RASGRF2: variants seen among roughly 807,000 people sequenced by gnomAD.
RASGRF2 encodes the protein ras-specific guanine nucleotide-releasing factor 2.
A neutral mutation model predicts 151.0 loss-of-function variants in RASGRF2; 76 were observed. The observed-to-expected ratio is 0.50, with a 90% CI of 0.42 to 0.61. RASGRF2 has a LOEUF of 0.61. Ranked by LOEUF, RASGRF2 falls within the 20% of genes least tolerant of loss-of-function variation. The pLI is 0.00. For missense variants in RASGRF2, 1,148 were observed against 1,564.6 expected (o/e 0.73, Z 4.49); for synonymous variants, 504 against 566.5 (o/e 0.89, Z 1.57).
rs529383635 is a variant in RASGRF2, at chr5:81,226,390, G to A, written c.*620G>A. ...TTTAGGCAATGGGATAGGAAAGAAAGAATGAAACACAAATGGATTTGTATG... is the reference window on the plus strand; with the variant it reads ...TTTAGGCAATGGGATAGGAAAGAAAAAATGAAACACAAATGGATTTGTATG... On this transcript the variant is annotated 3_prime_UTR_variant, in exon 27 of 27. Transcript: ENST00000265080. 6.6e-6 allele frequency: 1 copy of A among 152,366 alleles called. No individual in the cohort carries two copies. The highest frequency in any genetic ancestry group is 1.9e-4 in the East Asian group (1 of 5,186). The allele number at this position is 152,366 out of a possible 1,614,324, so 9.4% of individuals were successfully genotyped here.
At chr5:80,998,781 C>T (rs973998663) in intron 1 of RASGRF2, among the ~76,000 whole-genome samples, 3 of 152,126 alleles carry the variant, frequency 2.0e-5, no homozygotes, top group Non-Finnish European at 4.4e-5. Context: ...GGCTTCTGGC[C>T]TGGTTCAGCC....
At chr5:80,962,113 C>T (rs1747581121) in intron 1 of RASGRF2, among the ~76,000 whole-genome samples, 1 of 152,120 alleles carries the variant, frequency 6.6e-6, no homozygotes, top group Non-Finnish European at 1.5e-5. Flanking sequence ...CTTTGGGGCT[C>T]ATAAAACAAT....
At chr5:80,979,543 C>T (rs1016354330) in intron 1 of RASGRF2, among the ~76,000 whole-genome samples, 4 of 152,050 alleles carry the variant, frequency 2.6e-5, no homozygotes, top group African/African-American at 7.2e-5. Flanking sequence ...TTATTGTGTA[C>T]GTATGATTGA....
Position 81,138,597 on chromosome 5 carries a change from T to A in RASGRF2, c.2686+11434T>A, listed in dbSNP as rs554519203. 8.5e-5 allele frequency among the ~76,000 whole-genome samples: 13 copies of A among 152,272 alleles called. No homozygotes were observed. The East Asian group carries it at 2.3e-3, about 27-fold the overall frequency. ...TTCCTGGAGGTAAAGTCCCCAAATA[T>A]GTGGCCGCCCTCCTAAGAATGTGGT... On this transcript the variant is annotated intron_variant, in intron 17 of 26. Coordinates refer to ENST00000265080, the MANE Select transcript of RASGRF2 (RefSeq NM_006909.3).
At chr5:81,023,475 T>C (rs1385249637) in intron 1 of RASGRF2, among the ~76,000 whole-genome samples, 1 of 152,186 alleles carries the variant, frequency 6.6e-6, no homozygotes, top group Non-Finnish European at 1.5e-5. Context: ...TGTGATGCAC[T>C]GAGTTCTTAT....
intron 17 of RASGRF2, among the ~76,000 whole-genome samples, chr5:81,157,354 TAAA>T (rs559651337): frequency 3.7e-5 from 4 of 108,202 alleles, no homozygotes; most frequent in Admixed American, 1.0e-4. Flanking sequence ...AGAGTCTGTC[TAAA>T]AAAAAAAAAA....
At chr5:80,994,291 G>C (rs183723206) in intron 1 of RASGRF2, among the ~76,000 whole-genome samples, 1,658 of 151,530 alleles carry the variant, frequency 0.011, 27 homozygotes, top group African/African-American at 0.038. Context: ...GCGTGAACCT[G>C]GGGGGCCGAG....
chr5:81,007,686 A>G (rs996924008), intron 1 of RASGRF2, among the ~76,000 whole-genome samples: 80 of 152,274 alleles, frequency 5.3e-4, no homozygotes, highest in African/African-American at 1.9e-3. Flanking sequence ...GAGGAAAGTG[A>G]ACTATTCAGA....
chr5:81,071,156 T>C (rs1751762544), intron 4 of RASGRF2, among the ~76,000 whole-genome samples: 1 of 152,236 alleles, frequency 6.6e-6, no homozygotes, highest in Non-Finnish European at 1.5e-5. Flanking sequence ...ATTTAGGTTT[T>C]GATCCTATGA....
In RASGRF2 at chr5:81,041,500, C is replaced by T. The variant is rs76994442; in HGVS notation, c.289-1377C>T. ...TACATGAGAATTCTCCACATCTTAACATAGATTATTCCAAGCTGATTGTAA... is the reference window on the plus strand; with the variant it reads ...TACATGAGAATTCTCCACATCTTAATATAGATTATTCCAAGCTGATTGTAA... On this transcript the variant is annotated intron_variant, in intron 1 of 26. Coordinates refer to ENST00000265080, the MANE Select transcript of RASGRF2 (RefSeq NM_006909.3). Among the ~76,000 whole-genome samples the T allele has an allele frequency of 6.9e-3, 1,045 of 152,260 alleles. 8 individuals carry two copies. The highest frequency in any genetic ancestry group is 0.011 in the Non-Finnish European group (718 of 68,008).
At chr5:81,056,516 T>G (rs1467940163) in intron 2 of RASGRF2, among the ~76,000 whole-genome samples, 1 of 152,232 alleles carries the variant, frequency 6.6e-6, no homozygotes, top group Non-Finnish European at 1.5e-5. Context: ...CTTCTGTTGT[T>G]TTACATTTGC....
chr5:81,144,262 G>T (rs1753953003), intron 17 of RASGRF2, among the ~76,000 whole-genome samples: 1 of 152,200 alleles, frequency 6.6e-6, no homozygotes. Context: ...TATATGCTTG[G>T]TGGTGGAAGT....
chr5:80,961,032 G>A lies in RASGRF2; in HGVS notation c.288+6G>A. 2 of 1,455,218 alleles carry A rather than the reference G, an allele frequency of 1.4e-6. No individual in the cohort carries two copies. The highest frequency in any genetic ancestry group is 1.4e-5 in the African/African-American group (1 of 70,436). The allele number at this position is 1,455,218 out of a possible 1,614,324, so 90.1% of individuals were successfully genotyped here. On this transcript the variant is annotated splice_donor_region_variant and intron_variant, in intron 1 of 26. Transcript: ENST00000265080. ...GAGACGCGCTGGACAAGCAGGTACC[G>A]CGCGCCTTCTCTCCGCGGTCTCCCA...
intron 1 of RASGRF2, among the ~76,000 whole-genome samples, chr5:81,037,588 A>G (rs1156491822): frequency 6.6e-6 from 1 of 152,196 alleles, no homozygotes; most frequent in East Asian, 1.9e-4. Flanking sequence ...AAATATAAAG[A>G]AAGTTTAATA....
At chr5:80,988,667 G>A (rs1390498761) in intron 1 of RASGRF2, among the ~76,000 whole-genome samples, 1 of 152,142 alleles carries the variant, frequency 6.6e-6, no homozygotes, top group Non-Finnish European at 1.5e-5. Context: ...ATCTCTTAAT[G>A]AGGCAGAAGT....
intron 2 of RASGRF2, among the ~76,000 whole-genome samples, chr5:81,066,764 C>T (rs190234639): frequency 1.3e-5 from 2 of 152,238 alleles, no homozygotes; most frequent in Admixed American, 6.5e-5. Flanking sequence ...GCAAATAAAG[C>T]GAGGTAGAAT....
At chr5:81,193,105 C>G (rs1413431828) in intron 18 of RASGRF2, among the ~76,000 whole-genome samples, 1 of 152,172 alleles carries the variant, frequency 6.6e-6, no homozygotes, top group East Asian at 1.9e-4. Flanking sequence ...ACTTATTACA[C>G]TGAGAAAATT....
intron 7 of RASGRF2, among the ~76,000 whole-genome samples, chr5:81,083,295 C>A (rs1392942619): frequency 2.1e-5 from 3 of 145,894 alleles, no homozygotes; most frequent in Non-Finnish European, 3.0e-5. Context: ...TTGCTGGAGG[C>A]CAACAGTGGA....
intron 1 of RASGRF2, among the ~76,000 whole-genome samples, chr5:80,988,255 T>G (rs1249834985): frequency 6.6e-6 from 1 of 152,034 alleles, no homozygotes; most frequent in Non-Finnish European, 1.5e-5. Flanking sequence ...TTCACCATGT[T>G]GCCTAGGCTG....
Sources: gnomAD v4.1 joint callset for allele counts (sites outside exome capture counted in the v4.1 genomes callset) on GRCh38, gnomAD v4.1.1 for gene constraint, MANE v1.5 for transcripts, NCBI Gene and HGNC (gene_info 2026-07-23, HGNC 2026-07-21) for gene names.